SRPK2: variants seen among roughly 807,000 people sequenced by gnomAD.
SRPK2 encodes the protein SRSF protein kinase 2, also known as SFRS protein kinase 2.
A neutral mutation model predicts 90.8 loss-of-function variants in SRPK2; 21 were observed. The ratio of observed to expected loss-of-function variants is 0.23; its 90% CI spans 0.16 to 0.33. The LOEUF (loss-of-function observed/expected upper bound fraction) is 0.33. Among genes scored for constraint, SRPK2 ranks in the 10% least tolerant of loss-of-function variants. The pLI is 1.00. For missense variants in SRPK2, 620 were observed against 869.0 expected (o/e 0.71, Z 3.60); for synonymous variants, 288 against 311.1 (o/e 0.93, Z 0.78).
chr7:105,260,667 A>C lies in SRPK2; in HGVS notation c.72-56882T>G, dbSNP rs919682533. On this transcript the variant is annotated intron_variant, in intron 2 of 15. Coordinates refer to ENST00000393651, the MANE Select transcript of SRPK2 (RefSeq NM_182692.3). ...ATCAATGATAGACTGGATTAAGAAA[A>C]TGTGGCACATGTACATCATGGAATA... 7.2e-5 allele frequency among the ~76,000 whole-genome samples: 11 copies of C among 152,356 alleles called. No homozygotes were observed. In the East Asian group the frequency reaches 2.1e-3, roughly 29 times the overall value.
chr7:105,289,917 T>G (rs540806454), intron 2 of SRPK2, among the ~76,000 whole-genome samples: 13 of 152,076 alleles, frequency 8.5e-5, no homozygotes, highest in Non-Finnish European at 1.6e-4. Flanking sequence ...ATTGTAGGAT[T>G]ATGAATTAGC....
chr7:105,257,256 A>G (rs1304371868), intron 2 of SRPK2, among the ~76,000 whole-genome samples: 1 of 152,238 alleles, frequency 6.6e-6, no homozygotes, highest in South Asian at 2.1e-4. Flanking sequence ...GCCCCAGTAC[A>G]TAAAAGATTG....
chr7:105,137,236 G>A (rs1802977975), intron 11 of SRPK2, among the ~76,000 whole-genome samples: 1 of 152,200 alleles, frequency 6.6e-6, no homozygotes, highest in African/African-American at 2.4e-5. Context: ...ATGAATTAGG[G>A]AAACAGAGAA....
intron 2 of SRPK2, among the ~76,000 whole-genome samples, chr7:105,286,312 C>A (rs1808096127): frequency 6.6e-6 from 1 of 152,190 alleles, no homozygotes; most frequent in Admixed American, 6.5e-5. Flanking sequence ...GCTGCTCCAT[C>A]CCTCTACAAA....
chr7:105,225,864 CAT>C lies in SRPK2; in HGVS notation c.72-22081_72-22080del, dbSNP rs141220168. ...TGCTGTCCTATAAGGTAGCCAGACA[CAT>C]GTGGCTATTTAAAGTAAAAATAAGC... is the stretch of plus-strand genomic sequence containing the variant. On this transcript the variant is annotated intron_variant, in intron 2 of 15. Coordinates refer to ENST00000393651, the MANE Select transcript of SRPK2 (RefSeq NM_182692.3). 2.8e-3 allele frequency among the ~76,000 whole-genome samples: 429 copies of C among 151,910 alleles called. 11 individuals carry two copies. The East Asian group carries it at 0.055, about 19-fold the overall frequency.
intron 13 of SRPK2, among the ~76,000 whole-genome samples, chr7:105,130,405 C>G (rs1801827491): frequency 6.6e-6 from 1 of 152,060 alleles, no homozygotes; most frequent in Non-Finnish European, 1.5e-5. Flanking sequence ...CAAAAATTAG[C>G]CAGGCGTGGT....
chr7:105,168,629 A>C (rs919156097), intron 4 of SRPK2, among the ~76,000 whole-genome samples: 1 of 151,978 alleles, frequency 6.6e-6, no homozygotes, highest in Non-Finnish European at 1.5e-5. Context: ...TCCCTAATTA[A>C]AATAAGACTA....
At chr7:105,263,049 G>A (rs1485122431) in intron 2 of SRPK2, among the ~76,000 whole-genome samples, 1 of 152,178 alleles carries the variant, frequency 6.6e-6, no homozygotes, top group Non-Finnish European at 1.5e-5. Context: ...ACGGCAGACT[G>A]GGCAAGGTGG....
chr7:105,136,942 A>G (rs1802919007), intron 11 of SRPK2, among the ~76,000 whole-genome samples: 1 of 152,220 alleles, frequency 6.6e-6, no homozygotes, highest in African/African-American at 2.4e-5. Context: ...TACTGGTTGA[A>G]AATATGGGCA....
chr7:105,254,495 T>C (rs542108545), intron 2 of SRPK2, among the ~76,000 whole-genome samples: 1 of 152,342 alleles, frequency 6.6e-6, no homozygotes, highest in East Asian at 1.9e-4. Flanking sequence ...TCCATCCATA[T>C]CATGAACTCA....
upstream of SRPK2, among the ~76,000 whole-genome samples, chr7:105,393,422 G>A (rs1429610239): frequency 2.0e-5 from 3 of 149,304 alleles, no homozygotes; most frequent in South Asian, 2.1e-4. Flanking sequence ...GTGCACCACC[G>A]CATAAGGAGG....
chr7:105,200,477 T>C (rs924580173), intron 3 of SRPK2, among the ~76,000 whole-genome samples: 3 of 152,024 alleles, frequency 2.0e-5, no homozygotes, highest in African/African-American at 7.2e-5. Context: ...AATTTATCAG[T>C]CCACCCGAGA....
chr7:105,215,551 C>T (rs1056618636), intron 2 of SRPK2, among the ~76,000 whole-genome samples: 1 of 152,176 alleles, frequency 6.6e-6, no homozygotes, highest in Non-Finnish European at 1.5e-5. Context: ...CACAGCCACA[C>T]TTTCTTATAG....
chr7:105,146,519 C>T lies in SRPK2; in HGVS notation c.761G>A (p.Gly254Asp). ...TGCAGACCCTGAAGGAGGAGGAGCACCTGCTTTCTGCCACTCAGTGGCCTC... is the reference window on the plus strand; with the variant it reads ...TGCAGACCCTGAAGGAGGAGGAGCATCTGCTTTCTGCCACTCAGTGGCCTC... ...AAEATEWQKA[G>D]APPPSGSAVS... The change falls in exon 8 of 16, where the codon GGT becomes GAT. Residue 254 changes from glycine to aspartate, a missense_variant. This residue lies in a region of SRPK2 where 196 missense variants were observed against 339.2 expected (regional missense o/e 0.58). Transcript: ENST00000393651. 4 of 1,614,164 alleles carry T rather than the reference C, an allele frequency of 2.5e-6. No homozygotes were observed. Among genetic ancestry groups the T allele is most frequent in the Non-Finnish European group, 3.4e-6 (4 of 1,180,024 alleles).
intron 2 of SRPK2, among the ~76,000 whole-genome samples, chr7:105,323,815 C>T (rs1469246674): frequency 6.6e-6 from 1 of 152,130 alleles, no homozygotes; most frequent in African/African-American, 2.4e-5. Flanking sequence ...CACATCTTTC[C>T]TGTAGTGGAC....
intron 2 of SRPK2, among the ~76,000 whole-genome samples, chr7:105,292,551 C>G (rs376768193): frequency 1.2e-4 from 18 of 144,488 alleles, no homozygotes; most frequent in South Asian, 1.1e-3. Context: ...TCTTGGCTAA[C>G]TCCAGGCTTT....
intron 2 of SRPK2, among the ~76,000 whole-genome samples, chr7:105,241,747 G>A (rs900812439): frequency 4.6e-5 from 7 of 151,962 alleles, no homozygotes; most frequent in African/African-American, 1.7e-4. Flanking sequence ...CGAGTCAGAC[G>A]TGATATTTCA....
chr7:105,119,198 T>G (rs538043555), intron 15 of SRPK2, among the ~76,000 whole-genome samples: 1 of 151,930 alleles, frequency 6.6e-6, no homozygotes, highest in Non-Finnish European at 1.5e-5. Context: ...TCAACTGCTT[T>G]AATTTAAACA....
At chr7:105,207,370 A>T (rs1796343064) in intron 2 of SRPK2, among the ~76,000 whole-genome samples, 1 of 152,174 alleles carries the variant, frequency 6.6e-6, no homozygotes, top group South Asian at 2.1e-4. Flanking sequence ...AAATTACAAC[A>T]CTGTAGAAGA....
Sources: allele counts gnomAD v4.1 joint callset (sites outside exome capture counted in the v4.1 genomes callset), GRCh38; gene constraint gnomAD v4.1.1; regional missense constraint gnomAD v4.1.1; transcripts MANE v1.5; gene names NCBI Gene and HGNC (gene_info 2026-07-23, HGNC 2026-07-21).